Variants in GC observed in about 807,000 individuals in gnomAD.
GC encodes vitamin D-binding protein.
In GC, 43 loss-of-function variants were observed where a neutral mutation model predicts 56.7. The observed-to-expected ratio is 0.76, with a 90% confidence interval of 0.59 to 0.98. The LOEUF is 0.98. GC is among the 50% of genes least tolerant of loss of function. The pLI is 0.00. For missense variants in GC, 529 were observed against 545.9 expected, an observed-to-expected ratio of 0.97 and a Z score of 0.31; for synonymous variants, 216 against 202.7, an observed-to-expected ratio of 1.07 and a Z score of -0.56.
intron 1 of GC, among the ~76,000 whole-genome samples, chr4:71,782,935 A>C (rs893935062): frequency 6.6e-6 from 1 of 151,834 alleles, no homozygotes; most frequent in Non-Finnish European, 1.5e-5. Flanking sequence ...TTACCTAAGG[A>C]CGCATAGCTT....
chr4:71,800,501 T>G (rs888351963), intron 1 of GC, among the ~76,000 whole-genome samples: 1 of 152,200 alleles, frequency 6.6e-6, no homozygotes, highest in African/African-American at 2.4e-5. Flanking sequence ...TTTGGGTTGG[T>G]TCCATGTCTT....
At chr4:71,789,925 C>T (rs888113401) in intron 1 of GC, among the ~76,000 whole-genome samples, 9 of 151,770 alleles carry the variant, frequency 5.9e-5, no homozygotes, top group Non-Finnish European at 2.9e-5. Flanking sequence ...GCAGGCAGCC[C>T]CTAGATGCTG....
At chr4:71,772,489 G>A (rs923839848) in intron 1 of GC, among the ~76,000 whole-genome samples, 2 of 152,142 alleles carry the variant, frequency 1.3e-5, no homozygotes, top group African/African-American at 2.4e-5. Flanking sequence ...CATATATTAT[G>A]GGAATGTGAG....
chr4:71,761,724 A>C (rs991329389), intron 6 of GC, among the ~76,000 whole-genome samples: 3 of 152,130 alleles, frequency 2.0e-5, no homozygotes, highest in African/African-American at 4.8e-5. Flanking sequence ...CCATGGCTGA[A>C]AGGGGCCAAT....
upstream of GC, among the ~76,000 whole-genome samples, chr4:71,788,401 A>C (rs1742891394): frequency 6.6e-6 from 1 of 151,954 alleles, no homozygotes; most frequent in African/African-American, 2.4e-5. Context: ...TTTATTAACC[A>C]AATGGTTTCA....
At position 71,769,400 on chromosome 4, in the gene GC, C is replaced by A. The variant is rs770591926; in HGVS notation, c.59G>T (p.Gly20Val). ...GACTTTATTCTTTTCATAATCCCGG[C>A]CTAGGAGGCAGAAATAGAAAAATTT... ...AVAFGHALER[G>V]RDYEKNKVCK... Residue 20 changes from glycine (G) to valine (V), a missense_variant and splice_region_variant, in exon 2 of 13, where the codon GGC becomes GTC. By Grantham distance (109) the Gly-to-Val change is moderately radical (BLOSUM62 -3). Transcript: ENST00000273951. 1.9e-6 allele frequency: 3 copies of A among 1,610,066 alleles called. No homozygotes were observed. The highest frequency in any genetic ancestry group is 2.5e-6 in the Non-Finnish European group (3 of 1,176,784).
At chr4:71,755,429 C>T (rs529682474) in intron 8 of GC, among the ~76,000 whole-genome samples, 2 of 152,102 alleles carry the variant, frequency 1.3e-5, no homozygotes, top group East Asian at 3.9e-4. Context: ...TGCCAAAGTG[C>T]TGGGATTAGA....
upstream of GC, among the ~76,000 whole-genome samples, chr4:71,805,387 T>C (rs998827713): frequency 9.9e-5 from 15 of 152,142 alleles, no homozygotes; most frequent in Non-Finnish European, 1.8e-4. Flanking sequence ...GAGTTCCTCA[T>C]AGGGGACACC....
At chr4:71,750,349 A>G (rs1741504939) in intron 11 of GC, among the ~76,000 whole-genome samples, 1 of 152,202 alleles carries the variant, frequency 6.6e-6, no homozygotes, top group Non-Finnish European at 1.5e-5. Context: ...GAGTAGATAA[A>G]TTGACTATAG....
At chr4:71,800,351 G>A (rs935212127) in intron 1 of GC, among the ~76,000 whole-genome samples, 1 of 152,076 alleles carries the variant, frequency 6.6e-6, no homozygotes, top group Non-Finnish European at 1.5e-5. Context: ...CTGTTCCTAT[G>A]TTAGTTTGCT....
chr4:71,747,604 G>C (rs534476070), intron 11 of GC, among the ~76,000 whole-genome samples: 9 of 152,214 alleles, frequency 5.9e-5, no homozygotes, highest in South Asian at 4.1e-4. Context: ...TATTGTTGGC[G>C]TGCCTTTGTT....
chr4:71,784,455 C>G (rs749522051), upstream of GC: 2 of 204,196 alleles, frequency 9.8e-6, no homozygotes, highest in Non-Finnish European at 1.7e-5. Context: ...ATCGGAAACT[C>G]TGTCTTTACC....
chr4:71,795,223 C>G (rs958871093), intron 1 of GC, among the ~76,000 whole-genome samples: 1 of 152,138 alleles, frequency 6.6e-6, no homozygotes, highest in Non-Finnish European at 1.5e-5. Flanking sequence ...TGTTAATCTT[C>G]TGTCTCATTG....
intron 7 of GC, among the ~76,000 whole-genome samples, chr4:71,757,273 G>A (rs112363046): frequency 5.7e-4 from 86 of 152,208 alleles, no homozygotes; most frequent in African/African-American, 1.5e-3. Flanking sequence ...ATAGATAGAT[G>A]TAATACATGA....
intron 1 of GC, among the ~76,000 whole-genome samples, chr4:71,782,020 G>T (rs1302697265): frequency 1.3e-5 from 2 of 151,718 alleles, no homozygotes; most frequent in African/African-American, 4.8e-5. Context: ...GTGTTTCTCA[G>T]AACCTTTAGG....
chr4:71,757,263 A>G (rs1270463114), intron 7 of GC, among the ~76,000 whole-genome samples: 2 of 152,176 alleles, frequency 1.3e-5, no homozygotes, highest in African/African-American at 4.8e-5. Context: ...GTGTGTCTAG[A>G]TAGATAGATG....
intron 1 of GC, among the ~76,000 whole-genome samples, chr4:71,771,127 G>T (rs960823384): frequency 5.3e-5 from 8 of 152,108 alleles, no homozygotes; most frequent in African/African-American, 1.7e-4. Flanking sequence ...ACTTTTAGTG[G>T]TTTATCCTTC....
intron 1 of GC, among the ~76,000 whole-genome samples, chr4:71,771,401 C>T (rs1296853678): frequency 6.6e-6 from 1 of 151,728 alleles, no homozygotes; most frequent in Admixed American, 6.6e-5. Context: ...TGTCAGATTG[C>T]CTGTAGAGGA....
chr4:71,744,730 G>A (rs1578276368), intron 12 of GC, among the ~76,000 whole-genome samples: 1 of 152,148 alleles, frequency 6.6e-6, no homozygotes, highest in African/African-American at 2.4e-5. Flanking sequence ...AAGAAATCTT[G>A]AAGGATGAGA....
Sources: allele counts gnomAD v4.1 joint callset (sites outside exome capture counted in the v4.1 genomes callset), GRCh38; gene constraint gnomAD v4.1.1; transcripts MANE v1.5; gene names NCBI Gene and HGNC (gene_info 2026-07-23, HGNC 2026-07-21).